POLR2E: variants seen among roughly 807,000 people sequenced by gnomAD.
POLR2E encodes the protein RNA polymerase II, I and III subunit E, also known as DNA-directed RNA polymerases I, II, and III subunit RPABC1.
Under a neutral mutation model 29.8 loss-of-function variants are expected in POLR2E, and 35 were observed. The observed-to-expected ratio is 1.17, with a 90% CI of 0.90 to 1.55. The LOEUF (loss-of-function observed/expected upper bound fraction) is 1.55. Ranked by LOEUF, POLR2E falls within the 40% of genes most tolerant of loss-of-function variation. POLR2E has a pLI of 0.00. For missense variants in POLR2E, 287 were observed against 288.6 expected, an observed-to-expected ratio of 0.99 and a Z score of 0.04; for synonymous variants, 174 against 112.6, an observed-to-expected ratio of 1.55 and a Z score of -3.45.
chr19:1,093,171 T>C (rs2043873099), intron 2 of POLR2E, among the ~76,000 whole-genome samples: 1 of 151,554 alleles, frequency 6.6e-6, no homozygotes, highest in African/African-American at 2.4e-5. Context: ...GGGCGACAGA[T>C]TGAGACTCTT....
intron 1 of POLR2E, 91 bp from the exon 2 acceptor site, chr19:1,094,169 G>C (rs1208362899): frequency 4.9e-6 from 6 of 1,223,974 alleles, no homozygotes; most frequent in Non-Finnish European, 6.9e-6. Context: ...GGCTGCTGCA[G>C]AGGACAGAGG....
Position 1,095,361 on chromosome 19 carries a change from G to C in POLR2E, c.-46C>G, listed in dbSNP as rs367958813. On this transcript the variant is annotated 5_prime_UTR_variant, in exon 1 of 8. Transcript: ENST00000615234. ...CCGCTCGCACCCCTTCTCCGCGCGA[G>C]AACCCGCGCGGACTGCGCCTGCGCC... 27 of 1,609,570 alleles carry C rather than the reference G, an allele frequency of 1.7e-5. No homozygotes were observed. The Admixed American group carries it at 3.7e-4, about 22-fold the overall frequency.
chr19:1,092,624 C>G (rs2043861101), intron 2 of POLR2E, among the ~76,000 whole-genome samples: 2 of 151,958 alleles, frequency 1.3e-5, no homozygotes, highest in Admixed American at 1.3e-4. Flanking sequence ...GGAGGCAGAG[C>G]TTGCAGTGGG....
rs1285653852 is a variant in POLR2E, at chr19:1,087,105, C to T, written c.*1630G>A. On this transcript the variant is annotated 3_prime_UTR_variant, in exon 8 of 8. Transcript: ENST00000615234. ...TCCTGGGCTCAAATGATCCTCCCGC[C>T]TCAGCCTCCCAAAGTGTTGGGATTA... 2.0e-5 allele frequency: 3 copies of T among 152,140 alleles called. No homozygotes were observed. The highest frequency in any genetic ancestry group is 7.3e-5 in the African/African-American group (3 of 41,368). The allele number at this position is 152,140 out of a possible 1,614,324, so 9.4% of individuals were successfully genotyped here.
At position 1,091,698 on chromosome 19, in the gene POLR2E, C is replaced by G. The variant is rs1163918146; in HGVS notation, c.348+94G>C. On this transcript the variant is annotated intron_variant, in intron 3 of 7. Transcript: ENST00000615234. ...CCAGGGCACCCTGGCTGGCCTGGCC[C>G]AAAGCCCAAGGCACGTGGGCCGCCT... 6 of 856,692 alleles carry G rather than the reference C, an allele frequency of 7.0e-6. No homozygotes were observed. The East Asian group carries it at 7.6e-5, about 11-fold the overall frequency. The allele number at this position is 856,692 out of a possible 1,614,324, so 53.1% of individuals were successfully genotyped here. A position where few individuals can be genotyped will look rare whatever the true frequency, so the allele number is the denominator to read the frequency against.
In POLR2E at chr19:1,087,246, T is replaced by C. The variant is rs1337279481; in HGVS notation, c.*1489A>G. The C allele has an allele frequency of 6.6e-6, 1 of 152,090 alleles. No homozygotes were observed. The highest frequency in any genetic ancestry group is 1.5e-5 in the Non-Finnish European group (1 of 68,016). 9.4% of individuals were successfully genotyped at this position (152,090 alleles called of 1,614,324 possible). ...TGAGCTCAAGCGATCCTCCACTTCC[T>C]GGGTTCAAGTGATTCTCCTGCCTTA... is the stretch of plus-strand genomic sequence containing the variant. On this transcript the variant is annotated 3_prime_UTR_variant, in exon 8 of 8. Coordinates refer to ENST00000615234, the MANE Select transcript of POLR2E (RefSeq NM_002695.5).
Position 1,090,162 on chromosome 19 carries a change from C to T in POLR2E, c.430-17G>A, listed in dbSNP as rs765514384. 1 of 1,611,718 alleles carries T rather than the reference C, an allele frequency of 6.2e-7. No individual in the cohort carries two copies. The highest frequency in any genetic ancestry group is 8.5e-7 in the Non-Finnish European group (1 of 1,179,354). On this transcript the variant is annotated splice_polypyrimidine_tract_variant and intron_variant, in intron 4 of 7. Transcript: ENST00000615234. ...AGGGACTAGCTGCCGAGAGAGGAAG[C>T]CACCAGGCATCACCAAGGGCTGGTG...
intron 4 of POLR2E, among the ~76,000 whole-genome samples, chr19:1,090,436 G>C (rs1283289844): frequency 6.6e-6 from 1 of 151,060 alleles, no homozygotes; most frequent in African/African-American, 2.4e-5. Flanking sequence ...CGATTCTACA[G>C]GCTGGGGTGG....
intron 1 of POLR2E, 98 bp downstream of exon 1, chr19:1,095,161 G>A: frequency 7.7e-7 from 1 of 1,295,712 alleles, no homozygotes; most frequent in South Asian, 1.2e-5. Context: ...CATCGCTGCT[G>A]CTCCGACGAG....
chr19:1,090,653 C>T (rs1462652518), intron 4 of POLR2E, among the ~76,000 whole-genome samples: 2 of 151,800 alleles, frequency 1.3e-5, no homozygotes, highest in African/African-American at 4.8e-5. Flanking sequence ...CTCCTGACCT[C>T]GTGATCCGCC....
rs2043733029 is a variant in POLR2E at position 1,087,713 on chromosome 19, C to T, written c.*1022G>A. ...AGAGAAGGGGAAGCACTGTCCCCAT[C>T]ACACACACAGTCCGCGGCCTGGGGA... On this transcript the variant is annotated 3_prime_UTR_variant, in exon 8 of 8. Coordinates refer to ENST00000615234, the MANE Select transcript of POLR2E (RefSeq NM_002695.5). 2 of 152,302 alleles carry T rather than the reference C, an allele frequency of 1.3e-5. No homozygotes were observed. The highest frequency in any genetic ancestry group is 4.8e-5 in the African/African-American group (2 of 41,426). The allele number at this position is 152,302 out of a possible 1,614,324, so 9.4% of individuals were successfully genotyped here. A position where few individuals can be genotyped will look rare whatever the true frequency, so the allele number is the denominator to read the frequency against.
chr19:1,093,413 A>G (rs2043878750), intron 2 of POLR2E, among the ~76,000 whole-genome samples: 1 of 152,156 alleles, frequency 6.6e-6, no homozygotes, highest in Admixed American at 6.5e-5. Context: ...GGTCCTGGGA[A>G]AAGAGGCCCG....
Position 1,087,844 on chromosome 19 carries a change from G to C in POLR2E, c.*891C>G, listed in dbSNP as rs1220177345. 4 of 152,352 alleles carry C rather than the reference G, an allele frequency of 2.6e-5. No homozygotes were observed. The highest frequency in any genetic ancestry group is 5.9e-5 in the Non-Finnish European group (4 of 68,048). The allele number at this position is 152,352 out of a possible 1,614,324, so 9.4% of individuals were successfully genotyped here. ...TACTGTGAGAGAACCACGTGGCTAG[G>C]TTAAACTTGGGCAGGCGAGGCCTTC... On this transcript the variant is annotated 3_prime_UTR_variant, in exon 8 of 8. Coordinates refer to ENST00000615234, the MANE Select transcript of POLR2E (RefSeq NM_002695.5).
chr19:1,087,115 C>G lies in POLR2E; in HGVS notation c.*1620G>C, dbSNP rs1340420542. ...AAATGATCCTCCCGCCTCAGCCTCCCAAAGTGTTGGGATTACAGGTGTGAG... is the reference window on the plus strand; with the variant it reads ...AAATGATCCTCCCGCCTCAGCCTCCGAAAGTGTTGGGATTACAGGTGTGAG... On this transcript the variant is annotated 3_prime_UTR_variant, in exon 8 of 8. Coordinates refer to ENST00000615234, the MANE Select transcript of POLR2E (RefSeq NM_002695.5). The G allele has an allele frequency of 1.3e-5, 2 of 152,266 alleles. No individual in the cohort carries two copies. Among genetic ancestry groups the G allele is most frequent in the Admixed American group, 6.6e-5 (1 of 15,252 alleles). 9.4% of individuals were successfully genotyped at this position (152,266 alleles called of 1,614,324 possible). A position where few individuals can be genotyped will look rare whatever the true frequency, so the allele number is the denominator to read the frequency against.
Position 1,089,891 on chromosome 19 carries a change from C to T in POLR2E, c.560G>A (p.Arg187His), listed in dbSNP as rs945424553. 3.0e-5 allele frequency: 49 copies of T among 1,611,760 alleles called. No individual in the cohort carries two copies. Among genetic ancestry groups the T allele is most frequent in the Non-Finnish European group, 3.9e-5 (46 of 1,179,568 alleles). ...TCTCCCCACAGGGCTCACCTGCCCA[C>T]GCTTTATCCCAAAGTAGCGCGCCAC... ...DPVARYFGIK[R>H]GQVVKIIRPS... is the part of the protein sequence containing the mutation. Residue 187 changes from arginine (R) to histidine (H), a missense_variant, in exon 6 of 8, where the codon CGT (arginine) becomes CAT (histidine). Transcript: ENST00000615234.
At chr19:1,091,936 C>G in intron 2 of POLR2E, 29 bp from the exon 3 acceptor site, 2 of 1,516,708 alleles carry the variant, frequency 1.3e-6, no homozygotes, top group Non-Finnish European at 1.8e-6. Context: ...CTGGCCTGCA[C>G]GAGCCTGGGC....
At chr19:1,089,822 C>T in intron 6 of POLR2E, 62 bp downstream of exon 6, 1 of 1,336,162 alleles carries the variant, frequency 7.5e-7, no homozygotes, top group Non-Finnish European at 1.1e-6. Flanking sequence ...GGGACAGAAG[C>T]CCCCTTCTCC....
Position 1,091,828 on chromosome 19 carries a change from G to T in POLR2E, c.312C>A (p.Ile104=). 4 of 1,612,556 alleles carry T rather than the reference G, an allele frequency of 2.5e-6. No homozygotes were observed. The highest frequency in any genetic ancestry group is 3.4e-6 in the Non-Finnish European group (4 of 1,179,690). The change falls in exon 3 of 8, where the codon ATC becomes ATA. Residue 104 remains isoleucine (I), a synonymous_variant. Coordinates refer to ENST00000615234, the MANE Select transcript of POLR2E (RefSeq NM_002695.5). Reference sequence around the variant, plus strand: ...AGGGTGTCATGCCCTGCTGCACCACGATGAGAGCCCGTGTGATGTTCTCCT... The same window carrying T: ...AGGGTGTCATGCCCTGCTGCACCACTATGAGAGCCCGTGTGATGTTCTCCT... The part of the protein sequence containing the change: ...MQEENITRAL[I]VVQQGMTPSA...
At chr19:1,091,126 A>C (rs1247232195) in intron 3 of POLR2E, 138 bp from the exon 4 acceptor site, 1 of 646,916 alleles carries the variant, frequency 1.5e-6, no homozygotes, top group Non-Finnish European at 2.7e-6. Context: ...CCCCACCGCC[A>C]GCCCAGGAGC....
Sources: gnomAD v4.1 joint callset for allele counts (sites outside exome capture counted in the v4.1 genomes callset) on GRCh38, gnomAD v4.1.1 for gene constraint, MANE v1.5 for transcripts, NCBI Gene and HGNC (gene_info 2026-07-23, HGNC 2026-07-21) for gene names.